DOK5: variants seen among roughly 807,000 people sequenced by gnomAD.
DOK5 encodes downstream of tyrosine kinase 5.
A neutral mutation model predicts 43.3 loss-of-function variants in DOK5; 27 were observed. That is an observed-to-expected ratio of 0.62 (90% CI 0.46 to 0.86). The LOEUF (loss-of-function observed/expected upper bound fraction) is 0.86, where lower values mean the gene tolerates loss of function less well. DOK5 is among the 40% of genes least tolerant of loss of function. The pLI is 0.00. For synonymous variants in DOK5, 146 were observed against 140.1 expected, an observed-to-expected ratio of 1.04 and a Z score of -0.30; for missense variants, 373 against 392.9, an observed-to-expected ratio of 0.95 and a Z score of 0.43.
At chr20:54,649,648 C>T (rs1336157567) in intron 7 of DOK5, among the ~76,000 whole-genome samples, 1 of 152,122 alleles carries the variant, frequency 6.6e-6, no homozygotes, top group Non-Finnish European at 1.5e-5. Flanking sequence ...AGTAGAACCT[C>T]TAGTTTTTGT....
chr20:54,640,389 A>G (rs1335664461), intron 6 of DOK5, among the ~76,000 whole-genome samples: 1 of 152,190 alleles, frequency 6.6e-6, no homozygotes, highest in African/African-American at 2.4e-5. Flanking sequence ...GTTGATATCA[A>G]GGATAGAGGG....
At chr20:54,596,684 T>C (rs187040534) in intron 5 of DOK5, among the ~76,000 whole-genome samples, 180 of 152,300 alleles carry the variant, frequency 1.2e-3, no homozygotes, top group Admixed American at 2.6e-3. Flanking sequence ...GAAGATTAAA[T>C]AAAGGCACAT....
At chr20:54,555,322 G>A (rs772293243) in intron 2 of DOK5, 7 of 290,724 alleles carry the variant, frequency 2.4e-5, no homozygotes, top group Non-Finnish European at 4.7e-5. Flanking sequence ...CTGAAGCCCC[G>A]AGAGGATGAG....
intron 5 of DOK5, among the ~76,000 whole-genome samples, chr20:54,601,242 A>C (rs1485479152): frequency 6.6e-6 from 1 of 152,200 alleles, no homozygotes. Flanking sequence ...CCACTTACTA[A>C]ACTGCCATTT....
intron 1 of DOK5, among the ~76,000 whole-genome samples, chr20:54,505,727 G>A (rs1982781585): frequency 6.6e-6 from 1 of 152,140 alleles, no homozygotes; most frequent in Non-Finnish European, 1.5e-5. Flanking sequence ...CACTGAAAGA[G>A]TAACATGACA....
chr20:54,511,396 CAG>C (rs1230134677), intron 1 of DOK5, among the ~76,000 whole-genome samples: 2 of 152,120 alleles, frequency 1.3e-5, no homozygotes, highest in Admixed American at 1.3e-4. Flanking sequence ...GCTCATAAAA[CAG>C]ATATTTTCTC....
At chr20:54,617,070 G>A (rs547599003) in intron 6 of DOK5, among the ~76,000 whole-genome samples, 23 of 152,174 alleles carry the variant, frequency 1.5e-4, no homozygotes, top group African/African-American at 2.9e-4. Context: ...GATTACAGGC[G>A]TGAGCCACTG....
At chr20:54,510,016 C>G (rs1235059371) in intron 1 of DOK5, among the ~76,000 whole-genome samples, 1 of 152,104 alleles carries the variant, frequency 6.6e-6, no homozygotes, top group Non-Finnish European at 1.5e-5. Context: ...GGCTTACTAC[C>G]TAGGTGATGG....
intron 1 of DOK5, among the ~76,000 whole-genome samples, chr20:54,528,720 C>T (rs1983662264): frequency 6.6e-6 from 1 of 152,154 alleles, no homozygotes; most frequent in African/African-American, 2.4e-5. Flanking sequence ...AGAATGACTG[C>T]TGGGAGGCAG....
chr20:54,569,222 C>A (rs1985204666), intron 2 of DOK5, among the ~76,000 whole-genome samples: 1 of 152,066 alleles, frequency 6.6e-6, no homozygotes, highest in African/African-American at 2.4e-5. Flanking sequence ...ATTTGGTGAG[C>A]CTGTGGTTCT....
chr20:54,623,245 T>C (rs563509254), intron 6 of DOK5, among the ~76,000 whole-genome samples: 128 of 152,246 alleles, frequency 8.4e-4, no homozygotes, highest in Non-Finnish European at 1.7e-3. Context: ...TTCCATACAA[T>C]GCTTAGGACA....
intron 1 of DOK5, among the ~76,000 whole-genome samples, chr20:54,518,845 A>G (rs1198999237): frequency 6.6e-6 from 1 of 152,208 alleles, no homozygotes; most frequent in African/African-American, 2.4e-5. Context: ...AATGAACTCA[A>G]ACAAATTTAC....
At position 54,492,824 on chromosome 20, in the gene DOK5, G is replaced by A. The variant is rs545377170; in HGVS notation, c.66+16812G>A. Among the ~76,000 whole-genome samples, 58 of 151,788 alleles carry A rather than the reference G, an allele frequency of 3.8e-4. 1 individual carries two copies. Among genetic ancestry groups the A allele is most frequent in the Admixed American group, 1.8e-3 (27 of 15,226 alleles). ...ATCCCAACACTTTGGGAGGCCAAGGGGGGTGGATCACTTGAGGTCAGGAGT... is the reference window on the plus strand; with the variant it reads ...ATCCCAACACTTTGGGAGGCCAAGGAGGGTGGATCACTTGAGGTCAGGAGT... On this transcript the variant is annotated intron_variant, in intron 1 of 7. Coordinates refer to ENST00000262593, the MANE Select transcript of DOK5 (RefSeq NM_018431.5).
chr20:54,565,093 A>C (rs764786558), intron 2 of DOK5, among the ~76,000 whole-genome samples: 4 of 152,164 alleles, frequency 2.6e-5, no homozygotes, highest in Non-Finnish European at 5.9e-5. Flanking sequence ...TCTCAGAATC[A>C]CATTTCTTTA....
intron 1 of DOK5, among the ~76,000 whole-genome samples, chr20:54,545,075 C>T (rs527725129): frequency 2.8e-4 from 43 of 152,310 alleles, no homozygotes; most frequent in Admixed American, 2.3e-3. Flanking sequence ...TTTCTCCCAA[C>T]GTTAGCTTGG....
intron 1 of DOK5, among the ~76,000 whole-genome samples, chr20:54,483,186 T>C (rs933843498): frequency 2.0e-5 from 3 of 152,226 alleles, no homozygotes; most frequent in Admixed American, 2.0e-4. Context: ...TGACTTTGTA[T>C]ATAGACATAA....
At chr20:54,490,519 T>C (rs1389401168) in intron 1 of DOK5, among the ~76,000 whole-genome samples, 2 of 152,190 alleles carry the variant, frequency 1.3e-5, no homozygotes, top group Admixed American at 1.3e-4. Flanking sequence ...GTGCTAGATA[T>C]AATTTCTGAA....
intron 2 of DOK5, among the ~76,000 whole-genome samples, chr20:54,573,301 G>C (rs899854950): frequency 6.6e-6 from 1 of 152,144 alleles, no homozygotes; most frequent in African/African-American, 2.4e-5. Flanking sequence ...CCCGGAGCAG[G>C]GAGAATGCTT....
chr20:54,595,332 T>A (rs1180478786), intron 5 of DOK5, among the ~76,000 whole-genome samples: 3 of 151,732 alleles, frequency 2.0e-5, no homozygotes, highest in African/African-American at 7.3e-5. Flanking sequence ...ACAGCGAGAC[T>A]CCATTTAAAA....
Sources: gnomAD v4.1 joint callset for allele counts (sites outside exome capture counted in the v4.1 genomes callset) on GRCh38, gnomAD v4.1.1 for gene constraint, MANE v1.5 for transcripts, NCBI Gene and HGNC (gene_info 2026-07-23, HGNC 2026-07-21) for gene names.